Variants in MARCHF5 observed in about 807,000 individuals in gnomAD.
MARCHF5 encodes the protein membrane associated ring-CH-type finger 5.
MARCHF5 carries 5 observed loss-of-function variants against 36.5 expected under a neutral mutation model. That is an observed-to-expected ratio of 0.14 (90% CI 0.07 to 0.29). The LOEUF (loss-of-function observed/expected upper bound fraction) is 0.29. Among genes scored for constraint, MARCHF5 ranks in the 10% least tolerant of loss-of-function variants. The pLI is 1.00. For synonymous variants in MARCHF5, 103 were observed against 109.9 expected (o/e 0.94, Z 0.39); for missense variants, 179 against 336.3 (o/e 0.53, Z 3.66).
chr10:92,327,113 G>C (rs1176338753), intron 2 of MARCHF5, among the ~76,000 whole-genome samples: 2 of 152,012 alleles, frequency 1.3e-5, no homozygotes, highest in African/African-American at 4.8e-5. Context: ...AAGTACCCAG[G>C]GTTTAGCAAG....
intron 2 of MARCHF5, among the ~76,000 whole-genome samples, chr10:92,319,283 A>G (rs1050363511): frequency 1.3e-4 from 19 of 149,794 alleles, no homozygotes; most frequent in African/African-American, 3.9e-4. Context: ...TTACTGGTTT[A>G]TGTATCTACT....
At chr10:92,322,347 TCTTC>T (rs1309498853) in intron 2 of MARCHF5, among the ~76,000 whole-genome samples, 3 of 149,766 alleles carry the variant, frequency 2.0e-5, no homozygotes, top group Non-Finnish European at 3.0e-5. Flanking sequence ...TTATGTCCTT[TCTTC>T]CTTCTGCTTG....
chr10:92,349,234 T>C lies in MARCHF5; in HGVS notation c.370-115T>C, dbSNP rs1332234583. 3 of 788,784 alleles carry C rather than the reference T, an allele frequency of 3.8e-6. No homozygotes were observed. The South Asian group carries it at 6.7e-5, about 18-fold the overall frequency. 48.9% of individuals were successfully genotyped at this position (788,784 alleles called of 1,614,324 possible). On this transcript the variant is annotated intron_variant, in intron 3 of 5. Coordinates refer to ENST00000358935, the MANE Select transcript of MARCHF5 (RefSeq NM_017824.5). ...GCTTTCCAGCTTATTTTTTAAACTT[T>C]TTATTTCTGTGTATTCTTTTGAAAT...
chr10:92,301,827 G>T (rs1279447510), intron 1 of MARCHF5, among the ~76,000 whole-genome samples: 1 of 152,202 alleles, frequency 6.6e-6, no homozygotes, highest in Non-Finnish European at 1.5e-5. Context: ...GGGAGCCTGA[G>T]GCAGGCGGAT....
chr10:92,295,315 C>CTTT (rs1275571839), intron 1 of MARCHF5, among the ~76,000 whole-genome samples: 1 of 12,456 alleles, frequency 8.0e-5, no homozygotes, highest in African/African-American at 2.0e-4. Context: ...GGCAACTTTT[C>CTTT]TTTTTTTTTT....
At chr10:92,322,094 A>G (rs1391287337) in intron 2 of MARCHF5, among the ~76,000 whole-genome samples, 1 of 151,452 alleles carries the variant, frequency 6.6e-6, no homozygotes, top group Non-Finnish European at 1.5e-5. Context: ...AAAATATAAA[A>G]TTAGCCGGGC....
At chr10:92,345,126 C>T (rs905125337) in intron 3 of MARCHF5, among the ~76,000 whole-genome samples, 2 of 151,762 alleles carry the variant, frequency 1.3e-5, no homozygotes, top group Non-Finnish European at 2.9e-5. Flanking sequence ...CCCCCATTAG[C>T]ATTGCCCATT....
In MARCHF5 at chr10:92,307,081, G is replaced by A. The variant is rs953831043; in HGVS notation, c.36-4054G>A. 1.1e-4 allele frequency among the ~76,000 whole-genome samples: 16 copies of A among 152,128 alleles called. 1 individual carries two copies. The highest frequency in any genetic ancestry group is 5.9e-5 in the Non-Finnish European group (4 of 68,008). On this transcript the variant is annotated intron_variant, in intron 1 of 5. Coordinates refer to ENST00000358935, the MANE Select transcript of MARCHF5 (RefSeq NM_017824.5). ...TGCAGTCCTAGGTAATCAGGACACT[G>A]AGGCAGGAGGATCACCTGAGCCCAG...
chr10:92,307,429 AT>A (rs1471978054), intron 1 of MARCHF5, among the ~76,000 whole-genome samples: 12 of 152,240 alleles, frequency 7.9e-5, no homozygotes, highest in African/African-American at 2.4e-4. Flanking sequence ...CAGTTAATAA[AT>A]TCTTTAGAAC....
At chr10:92,340,419 A>G (rs1843565544) in intron 2 of MARCHF5, among the ~76,000 whole-genome samples, 1 of 152,214 alleles carries the variant, frequency 6.6e-6, no homozygotes, top group Admixed American at 6.5e-5. Flanking sequence ...TCATGAAAGT[A>G]TTTTAGGCTG....
chr10:92,314,031 C>T (rs1193758128), intron 2 of MARCHF5, among the ~76,000 whole-genome samples: 3 of 151,486 alleles, frequency 2.0e-5, no homozygotes, highest in Non-Finnish European at 2.9e-5. Flanking sequence ...TGTCTCTCTA[C>T]AAAAAAGAAA....
chr10:92,296,973 AATC>A (rs534684999), intron 1 of MARCHF5, among the ~76,000 whole-genome samples: 31 of 152,290 alleles, frequency 2.0e-4, no homozygotes, highest in Non-Finnish European at 3.4e-4. Context: ...CAGAATTAAA[AATC>A]ATCATCAATT....
At chr10:92,334,938 C>T (rs1217147116) in intron 2 of MARCHF5, among the ~76,000 whole-genome samples, 1 of 152,150 alleles carries the variant, frequency 6.6e-6, no homozygotes, top group Non-Finnish European at 1.5e-5. Flanking sequence ...TTCCAAGCTT[C>T]TCTGGTGCCC....
chr10:92,313,754 A>G (rs191094317), intron 2 of MARCHF5, among the ~76,000 whole-genome samples: 1 of 152,050 alleles, frequency 6.6e-6, no homozygotes, highest in African/African-American at 2.4e-5. Flanking sequence ...TTAGCTGGGC[A>G]TGGTGGCACA....
intron 2 of MARCHF5, among the ~76,000 whole-genome samples, chr10:92,323,252 TA>T (rs2135197899): frequency 1.3e-5 from 2 of 152,262 alleles, no homozygotes; most frequent in African/African-American, 4.8e-5. Flanking sequence ...AGAGCCTTTT[TA>T]GGTTCACAGT....
intron 3 of MARCHF5, among the ~76,000 whole-genome samples, chr10:92,347,411 G>A (rs1307298542): frequency 6.6e-6 from 1 of 152,016 alleles, no homozygotes; most frequent in Non-Finnish European, 1.5e-5. Flanking sequence ...CTTGAACTCA[G>A]GAGGTGGAGG....
chr10:92,293,994 A>G (rs1010456428), intron 1 of MARCHF5, among the ~76,000 whole-genome samples: 3 of 152,158 alleles, frequency 2.0e-5, no homozygotes, highest in African/African-American at 2.4e-5. Context: ...ACCTACTTCC[A>G]TGTTAGAATT....
rs971944729 is a variant in MARCHF5, at chr10:92,353,733, TGAC to T, written c.*2530_*2532del. 8.7e-6 allele frequency: 1 copy of T among 114,836 alleles called. No individual in the cohort carries two copies. The highest frequency in any genetic ancestry group is 4.2e-5 in the African/African-American group (1 of 23,964). 7.1% of individuals were successfully genotyped at this position (114,836 alleles called of 1,614,324 possible). A position where few individuals can be genotyped will look rare whatever the true frequency, so the allele number is the denominator to read the frequency against. On this transcript the variant is annotated 3_prime_UTR_variant, in exon 6 of 6. Coordinates refer to ENST00000358935, the MANE Select transcript of MARCHF5 (RefSeq NM_017824.5). ...TTTAAACCTCTTTTATAAAATTCAA[TGAC>T]GACTACTAGAATTCTTTTCAAAAGT... is the stretch of plus-strand genomic sequence containing the variant.
At chr10:92,323,495 AATAAC>A (rs1168265035) in intron 2 of MARCHF5, among the ~76,000 whole-genome samples, 1 of 152,218 alleles carries the variant, frequency 6.6e-6, no homozygotes, top group Non-Finnish European at 1.5e-5. Context: ...ACAACTGTAT[AATAAC>A]ATGTATCCAC....
Sources: gnomAD v4.1 joint callset for allele counts (sites outside exome capture counted in the v4.1 genomes callset) on GRCh38, gnomAD v4.1.1 for gene constraint, MANE v1.5 for transcripts, NCBI Gene and HGNC (gene_info 2026-07-23, HGNC 2026-07-21) for gene names.